DHRS3: variants seen among roughly 807,000 people sequenced by gnomAD.
The protein encoded by DHRS3 is short-chain dehydrogenase/reductase 3.
DHRS3 carries 14 observed loss-of-function variants against 27.2 expected under a neutral mutation model. That is an observed-to-expected ratio of 0.52 (90% confidence interval 0.34 to 0.81). The LOEUF is 0.81. DHRS3 is among the 30% of genes least tolerant of loss of function. DHRS3 has a pLI of 0.01. For missense variants in DHRS3, 322 were observed against 406.2 expected (o/e 0.79, Z 1.78); for synonymous variants, 165 against 175.9 (o/e 0.94, Z 0.49).
rs898750638 is a variant in DHRS3 at position 12,572,756 on chromosome 1, T to G, written c.796A>C (p.Thr266Pro). The stretch of plus-strand genomic sequence containing the variant: ...TTCAAGATAACGAGGGCATGCATTG[T>G]CCATGGGAGGAGGAGGAGGGCCTGG... Reference protein sequence around the residue: ...LNQALLLLPWTMHALVILKSI... With the variant: ...LNQALLLLPWPMHALVILKSI... Residue 266 changes from threonine (T) to proline (P), a missense_variant, in exon 5 of 6, where the codon ACA becomes CCA. Thr to Pro is a conservative substitution (Grantham distance 38). Coordinates refer to ENST00000616661, the MANE Select transcript of DHRS3 (RefSeq NM_004753.7). The G allele has an allele frequency of 7.5e-6, 12 of 1,610,036 alleles. No homozygotes were observed. The highest frequency in any genetic ancestry group is 1.0e-5 in the Non-Finnish European group (12 of 1,178,378).
In DHRS3 at chr1:12,569,231, T is replaced by TCTCACA. The variant is rs1557509331; in HGVS notation, c.825-808_825-807insTGTGAG. 6.7e-4 allele frequency among the ~76,000 whole-genome samples: 74 copies of TCTCACA among 110,576 alleles called. 1 individual carries two copies. The highest frequency in any genetic ancestry group is 4.2e-3 in the South Asian group (14 of 3,370). 72.5% of individuals were successfully genotyped at this position (110,576 alleles called of 152,430 possible). On this transcript the variant is annotated intron_variant, in intron 5 of 5. Coordinates refer to ENST00000616661, the MANE Select transcript of DHRS3 (RefSeq NM_004753.7). ...AAACTCTGTCCCCTCTCTCTCTCTC[T>TCTCACA]CACACACACACACACACACACACAC...
chr1:12,613,748 G>T lies in DHRS3; in HGVS notation c.195+3406C>A, dbSNP rs865879681. The stretch of plus-strand genomic sequence containing the variant: ...ATACCTCCCCTCAGACTACCTCTCG[G>T]AAGTGGGAATTGAGTTTTTTTGTTT... On this transcript the variant is annotated intron_variant, in intron 1 of 5. Transcript: ENST00000616661. Among the ~76,000 whole-genome samples the T allele has an allele frequency of 4.6e-5, 7 of 152,204 alleles. No homozygotes were observed. The Middle Eastern group carries it at 0.017, about 370-fold the overall frequency.
rs1386309107 is a variant in DHRS3 at position 12,593,954 on chromosome 1, A to G, written c.196-13288T>C. On this transcript the variant is annotated intron_variant, in intron 1 of 5. Transcript: ENST00000616661. This position sits in a 1 kb window ranked among gnomAD's most constrained non-coding sequence, Gnocchi z 4.6. ...GGGCTCCACCTCCATCTGACTGCCC[A>G]GGGCCGCACTTGGCAAAACACGGAG... Among the ~76,000 whole-genome samples the G allele has an allele frequency of 6.6e-6, 1 of 152,206 alleles. No homozygotes were observed. The highest frequency in any genetic ancestry group is 2.4e-5 in the African/African-American group (1 of 41,442).
chr1:12,614,513 TA>T (rs59203914), intron 1 of DHRS3, among the ~76,000 whole-genome samples: 24,475 of 143,614 alleles, frequency 0.17, 2,149 homozygotes, highest in Non-Finnish European at 0.21. Context: ...AGTGTGCCTT[TA>T]AAAAAAAAAA....
rs1646569629 is a variant in DHRS3 at position 12,574,640 on chromosome 1, A to G, written c.699-1787T>C. On this transcript the variant is annotated intron_variant, in intron 4 of 5. Transcript: ENST00000616661. This position sits in a 1 kb window ranked among gnomAD's most constrained non-coding sequence, Gnocchi z 4.6. ...TGTGGCCTGGCCTGTCTCTTGGGAA[A>G]GGGAAGGCAGGATGGACAGACCAAA... Among the ~76,000 whole-genome samples, 1 of 152,168 alleles carries G rather than the reference A, an allele frequency of 6.6e-6. No individual in the cohort carries two copies. The highest frequency in any genetic ancestry group is 1.9e-4 in the East Asian group (1 of 5,190).
At chr1:12,616,349 G>C (rs1297390022) in intron 1 of DHRS3, among the ~76,000 whole-genome samples, 1 of 152,134 alleles carries the variant, frequency 6.6e-6, no homozygotes, top group African/African-American at 2.4e-5. Context: ...GTGACAGCCT[G>C]CCCACTCTCC....
chr1:12,569,231 T>TCACACACA (rs57427000), intron 5 of DHRS3, among the ~76,000 whole-genome samples: 24 of 110,584 alleles, frequency 2.2e-4, no homozygotes, highest in East Asian at 6.4e-4. Context: ...TCTCTCTCTC[T>TCACACACA]CACACACACA....
Position 12,592,932 on chromosome 1 carries a change from A to T in DHRS3, c.196-12266T>A, listed in dbSNP as rs1206894033. Among the ~76,000 whole-genome samples, 1 of 152,164 alleles carries T rather than the reference A, an allele frequency of 6.6e-6. No individual in the cohort carries two copies. Among genetic ancestry groups the T allele is most frequent in the African/African-American group, 2.4e-5 (1 of 41,424 alleles). ...CCTGTCAGCCTGACCTCTGAAATCC[A>T]GAGGCTTCTCACCACTTCTCGCCAC... On this transcript the variant is annotated intron_variant, in intron 1 of 5. Transcript: ENST00000616661. This position sits in a 1 kb window ranked among gnomAD's most constrained non-coding sequence, Gnocchi z 4.2.
chr1:12,606,738 G>A (rs908854280), intron 1 of DHRS3, among the ~76,000 whole-genome samples: 10 of 151,542 alleles, frequency 6.6e-5, no homozygotes, highest in African/African-American at 2.2e-4. Flanking sequence ...CAGGTGATCC[G>A]CCCGCCTCAG....
chr1:12,568,495 G>A, intron 5 of DHRS3, 71 bp from the exon 6 acceptor site: 2 of 1,460,284 alleles, frequency 1.4e-6, no homozygotes, highest in African/African-American at 1.4e-5. Context: ...GTCGCTGGTG[G>A]CCATGTGAGA....
Position 12,600,389 on chromosome 1 carries a change from C to T in DHRS3, c.195+16765G>A, listed in dbSNP as rs769189211. ...GTGTCTTGCCATCCCTTAAGGACCCCGTCTCCTCTGCTGTGTGCTCATAGG... is the reference window on the plus strand; with the variant it reads ...GTGTCTTGCCATCCCTTAAGGACCCTGTCTCCTCTGCTGTGTGCTCATAGG... On this transcript the variant is annotated intron_variant, in intron 1 of 5. Coordinates refer to ENST00000616661, the MANE Select transcript of DHRS3 (RefSeq NM_004753.7). 6.6e-5 allele frequency: 65 copies of T among 985,296 alleles called. 1 individual carries two copies. The highest frequency in any genetic ancestry group is 7.5e-5 in the Non-Finnish European group (62 of 829,924). 61.0% of individuals were successfully genotyped at this position (985,296 alleles called of 1,614,324 possible).
At chr1:12,577,197 A>G (rs551331567) in intron 4 of DHRS3, among the ~76,000 whole-genome samples, 6 of 152,232 alleles carry the variant, frequency 3.9e-5, no homozygotes, top group African/African-American at 1.4e-4. Context: ...GTATTTGAGT[A>G]ATTCCCGGTT....
intron 1 of DHRS3, among the ~76,000 whole-genome samples, chr1:12,585,265 GTC>G (rs1343432394): frequency 6.7e-4 from 102 of 151,874 alleles, no homozygotes; most frequent in African/African-American, 2.3e-3. Flanking sequence ...CTGAGTGTGT[GTC>G]TCTCTGTGTC....
chr1:12,568,650 G>A (rs991021060), intron 5 of DHRS3, among the ~76,000 whole-genome samples: 3 of 152,228 alleles, frequency 2.0e-5, no homozygotes, highest in Admixed American at 2.0e-4. Flanking sequence ...GGGAGGCTGG[G>A]CGCGGTGGCT....
At chr1:12,613,005 A>G (rs1646920425) in intron 1 of DHRS3, among the ~76,000 whole-genome samples, 1 of 152,040 alleles carries the variant, frequency 6.6e-6, no homozygotes, top group South Asian at 2.1e-4. Context: ...GGTTGCAGTG[A>G]GCCAAGATCA....
chr1:12,615,666 C>A (rs1390304409), intron 1 of DHRS3, among the ~76,000 whole-genome samples: 1 of 152,156 alleles, frequency 6.6e-6, no homozygotes, highest in African/African-American at 2.4e-5. Flanking sequence ...TAAAGAATGA[C>A]AATCACATGC....
At chr1:12,579,272 C>A in intron 3 of DHRS3, 21 bp downstream of exon 3, 1 of 1,614,100 alleles carries the variant, frequency 6.2e-7, no homozygotes, top group South Asian at 1.1e-5. Flanking sequence ...GGGGCTGGCT[C>A]TGGCCCCGGA....
At chr1:12,580,219 G>A in intron 2 of DHRS3, 2 of 431,996 alleles carry the variant, frequency 4.6e-6, no homozygotes, top group Admixed American at 3.6e-5. Context: ...CCAAACAGAT[G>A]ACTGGAGTCA....
rs1338160799 is a variant in DHRS3, at chr1:12,591,347, C to A, written c.196-10681G>T. Among the ~76,000 whole-genome samples, 1 of 152,234 alleles carries A rather than the reference C, an allele frequency of 6.6e-6. No individual in the cohort carries two copies. ...GGCAGGTCTCTCCCACGTAGCCCTG[C>A]AAAACAGGCTTTCCCTGGCTCCAGG... On this transcript the variant is annotated intron_variant, in intron 1 of 5. Transcript: ENST00000616661. The surrounding 1 kb of genome is among the most constrained non-coding windows in gnomAD (Gnocchi z 4.1).
Sources: gnomAD v4.1 joint callset for allele counts (sites outside exome capture counted in the v4.1 genomes callset) on GRCh38, gnomAD v4.1.1 for gene constraint, Gnocchi (gnomAD v3.1) non-coding constraint, MANE v1.5 for transcripts, NCBI Gene and HGNC (gene_info 2026-07-23, HGNC 2026-07-21) for gene names.